DPY19L3: variants seen among roughly 807,000 people sequenced by gnomAD.
DPY19L3 encodes protein C-mannosyl-transferase DPY19L3.
Under a neutral mutation model 92.3 loss-of-function variants are expected in DPY19L3, and 51 were observed. That is an observed-to-expected ratio of 0.55 (90% CI 0.44 to 0.70). The LOEUF is 0.70. Among genes scored for constraint, DPY19L3 ranks in the 30% least tolerant of loss-of-function variants. DPY19L3 has a pLI of 0.00. For missense variants in DPY19L3, 706 were observed against 855.9 expected (o/e 0.82, Z 2.18); for synonymous variants, 309 against 315.2 (o/e 0.98, Z 0.21).
chr19:32,463,206 C>T (rs990558302), intron 12 of DPY19L3, among the ~76,000 whole-genome samples, 160 bp from the exon 13 acceptor site: 2 of 152,004 alleles, frequency 1.3e-5, no homozygotes, highest in African/African-American at 4.8e-5. Flanking sequence ...ACTTTAGCCT[C>T]ATAAATTCAA....
At position 32,439,001 on chromosome 19, in the gene DPY19L3, A is replaced by G; in HGVS notation, c.597-111A>G. On this transcript the variant is annotated intron_variant, in intron 6 of 18. Coordinates refer to ENST00000392250, the MANE Select transcript of DPY19L3 (RefSeq NM_001172774.2). ...GGACAATTATTGAGAACCAGTGGCC[A>G]GAATCTTAAGTATACTTGTCCTTAA... is the stretch of plus-strand genomic sequence containing the variant. 5.1e-6 allele frequency: 6 copies of G among 1,168,284 alleles called. No homozygotes were observed. In the South Asian group the frequency reaches 7.8e-5, roughly 15 times the overall value. 72.4% of individuals were successfully genotyped at this position (1,168,284 alleles called of 1,614,324 possible).
chr19:32,463,047 ATC>A (rs1049578671), intron 12 of DPY19L3, among the ~76,000 whole-genome samples: 7 of 150,280 alleles, frequency 4.7e-5, no homozygotes, highest in African/African-American at 1.2e-4. Context: ...TCTTTTAAAA[ATC>A]TCTTTCAATT....
chr19:32,426,910 C>T (rs908225285), intron 3 of DPY19L3, among the ~76,000 whole-genome samples: 2 of 152,160 alleles, frequency 1.3e-5, no homozygotes, highest in Non-Finnish European at 2.9e-5. Flanking sequence ...CTGCAAAGGG[C>T]GGGAAAGTGA....
intron 8 of DPY19L3, 22 bp downstream of exon 8, chr19:32,439,932 C>T (rs771918425): frequency 4.3e-6 from 7 of 1,609,622 alleles, no homozygotes; most frequent in Non-Finnish European, 5.1e-6. Context: ...TTTCTTTTCT[C>T]ACTTGAGATT....
At chr19:32,425,030 A>C (rs1247826474) in intron 3 of DPY19L3, among the ~76,000 whole-genome samples, 1 of 152,218 alleles carries the variant, frequency 6.6e-6, no homozygotes. Context: ...ATTCACATGC[A>C]AAAGAATGAA....
intron 16 of DPY19L3, among the ~76,000 whole-genome samples, chr19:32,475,230 G>C (rs117197851): frequency 0.016 from 2,433 of 152,310 alleles, 43 homozygotes; most frequent in South Asian, 0.025. Context: ...TGGTGAGATA[G>C]TCTTGTGATT....
At chr19:32,416,896 C>A (rs1204208324) in intron 3 of DPY19L3, among the ~76,000 whole-genome samples, 2 of 152,248 alleles carry the variant, frequency 1.3e-5, no homozygotes, top group African/African-American at 2.4e-5. Flanking sequence ...GGGCTGCTAG[C>A]ACATGGCTCA....
Position 32,483,078 on chromosome 19 carries a change from T to G in DPY19L3, c.*838T>G, listed in dbSNP as rs559586229. The stretch of plus-strand genomic sequence containing the variant: ...GCTTTATTTCTTACTCATTTCAATT[T>G]ATTGGGTTTGCAAAATTTTGTAAAC... On this transcript the variant is annotated 3_prime_UTR_variant, in exon 19 of 19. Transcript: ENST00000392250. 34 of 152,348 alleles carry G rather than the reference T, an allele frequency of 2.2e-4. No homozygotes were observed. Among genetic ancestry groups the G allele is most frequent in the African/African-American group, 7.9e-4 (33 of 41,580 alleles). 9.4% of individuals were successfully genotyped at this position (152,348 alleles called of 1,614,324 possible).
At chr19:32,432,903 A>C in intron 4 of DPY19L3, 97 bp downstream of exon 4, 4 of 932,472 alleles carry the variant, frequency 4.3e-6, no homozygotes, top group Non-Finnish European at 6.6e-6. Context: ...AATGCTCTCT[A>C]GAACATGTGT....
chr19:32,436,101 T>C (rs1463613866), intron 4 of DPY19L3, among the ~76,000 whole-genome samples: 1 of 152,192 alleles, frequency 6.6e-6, no homozygotes, highest in Non-Finnish European at 1.5e-5. Context: ...CCATGTATAC[T>C]CTCCCAAAGG....
intron 16 of DPY19L3, among the ~76,000 whole-genome samples, chr19:32,476,972 C>G (rs981319370): frequency 6.6e-6 from 1 of 152,062 alleles, no homozygotes; most frequent in African/African-American, 2.4e-5. Flanking sequence ...ACCCTTGGAA[C>G]TGACTCATGA....
intron 8 of DPY19L3, among the ~76,000 whole-genome samples, chr19:32,452,505 G>A (rs1435716849): frequency 1.3e-5 from 2 of 152,176 alleles, no homozygotes; most frequent in African/African-American, 4.8e-5. Flanking sequence ...AACAGTAACT[G>A]AAATCATTGA....
intron 3 of DPY19L3, among the ~76,000 whole-genome samples, chr19:32,414,887 T>C (rs1001390079): frequency 6.6e-6 from 1 of 152,246 alleles, no homozygotes; most frequent in African/African-American, 2.4e-5. Context: ...TTTTCTCTCT[T>C]TACTTTCACT....
At chr19:32,480,052 G>T (rs1244863240) in intron 17 of DPY19L3, among the ~76,000 whole-genome samples, 1 of 152,198 alleles carries the variant, frequency 6.6e-6, no homozygotes, top group Non-Finnish European at 1.5e-5. Context: ...CTTTTTAAAG[G>T]TAGAGACTGT....
intron 3 of DPY19L3, among the ~76,000 whole-genome samples, chr19:32,418,620 T>C (rs58547190): frequency 0.032 from 4,911 of 152,294 alleles, 273 homozygotes; most frequent in African/African-American, 0.11. Context: ...GAGTGTATAT[T>C]CCTTTATAAA....
intron 10 of DPY19L3, 46 bp downstream of exon 10, chr19:32,455,086 A>C: frequency 8.4e-7 from 1 of 1,195,838 alleles, no homozygotes; most frequent in Non-Finnish European, 1.2e-6. Context: ...TAATTAACTT[A>C]TGGCATTGGA....
At chr19:32,415,512 T>C (rs1244089533) in intron 3 of DPY19L3, among the ~76,000 whole-genome samples, 2 of 152,184 alleles carry the variant, frequency 1.3e-5, no homozygotes, top group African/African-American at 4.8e-5. Context: ...AGGGTCTGTC[T>C]TCTCTGTCTC....
Position 32,482,165 on chromosome 19 carries a change from T to C in DPY19L3, c.2076T>C (p.Pro692=), listed in dbSNP as rs1171910010. 1 of 1,613,796 alleles carries C rather than the reference T, an allele frequency of 6.2e-7. No individual in the cohort carries two copies. The highest frequency in any genetic ancestry group is 1.1e-5 in the South Asian group (1 of 91,060). ...RFCEEIKRNL[P]PYVAYFTRVF... The stretch of plus-strand genomic sequence containing the variant: ...GTGAAGAGATCAAAAGAAACCTGCC[T>C]CCCTACGTGGCCTACTTCACCAGAG... Residue 692 remains proline, a synonymous_variant, in exon 19 of 19, where the codon CCT becomes CCC. Coordinates refer to ENST00000392250, the MANE Select transcript of DPY19L3 (RefSeq NM_001172774.2).
chr19:32,420,424 A>AT (rs1017440527), intron 3 of DPY19L3, among the ~76,000 whole-genome samples: 5 of 151,106 alleles, frequency 3.3e-5, no homozygotes, highest in Non-Finnish European at 7.4e-5. Context: ...ATTTTAAGTG[A>AT]TTTTTGTTTA....
Sources: gnomAD v4.1 joint callset for allele counts (sites outside exome capture counted in the v4.1 genomes callset) on GRCh38, gnomAD v4.1.1 for gene constraint, MANE v1.5 for transcripts, NCBI Gene and HGNC (gene_info 2026-07-23, HGNC 2026-07-21) for gene names.